MEF2A: variants seen among roughly 807,000 people sequenced by gnomAD.
The protein encoded by MEF2A is myocyte enhancer factor 2A, also known as myocyte-specific enhancer factor 2A.
MEF2A carries 28 observed loss-of-function variants against 55.8 expected under a neutral mutation model. The observed-to-expected ratio is 0.50, with a 90% CI of 0.37 to 0.69. The LOEUF is 0.69. Ranked by LOEUF, MEF2A falls within the 30% of genes least tolerant of loss-of-function variation. MEF2A has a pLI of 0.00. For synonymous variants in MEF2A, 239 were observed against 227.1 expected (o/e 1.05, Z -0.47); for missense variants, 528 against 626.2 (o/e 0.84, Z 1.67).
At chr15:99,589,439 A>G (rs778796997) in intron 1 of MEF2A, among the ~76,000 whole-genome samples, 2 of 152,082 alleles carry the variant, frequency 1.3e-5, no homozygotes, top group African/African-American at 4.8e-5. Flanking sequence ...CAGCCTAACT[A>G]GAAGTTCTTT....
chr15:99,699,984 GTATATA>G lies in MEF2A; in HGVS notation c.859-3367_859-3362del, dbSNP rs145627557. Reference sequence around the variant, plus strand: ...TGTGTGTGTGTGTGTGTGTGTGTGTGTATATATATATATATAATTTTTGTATTTTTA... The same window carrying G: ...TGTGTGTGTGTGTGTGTGTGTGTGTGTATATATATAATTTTTGTATTTTTA... On this transcript the variant is annotated intron_variant, in intron 8 of 11. Transcript: ENST00000557942. Among the ~76,000 whole-genome samples the G allele has an allele frequency of 8.5e-3, 930 of 109,668 alleles. 19 individuals carry two copies. The highest frequency in any genetic ancestry group is 0.059 in the East Asian group (185 of 3,160). The allele number at this position is 109,668 out of a possible 152,430, so 71.9% of individuals were successfully genotyped here.
intron 2 of MEF2A, among the ~76,000 whole-genome samples, chr15:99,608,259 GTTAA>G (rs1487942371): frequency 6.6e-6 from 1 of 152,174 alleles, no homozygotes; most frequent in African/African-American, 2.4e-5. Flanking sequence ...ATCAAATTTA[GTTAA>G]TTTCACTGTG....
At chr15:99,691,998 TTC>T (rs2055577095) in intron 8 of MEF2A, among the ~76,000 whole-genome samples, 1 of 152,214 alleles carries the variant, frequency 6.6e-6, no homozygotes, top group African/African-American at 2.4e-5. Context: ...GTTTTAAAAC[TTC>T]TTAGTTTAGC....
At chr15:99,610,718 A>G (rs1316846439) in intron 2 of MEF2A, among the ~76,000 whole-genome samples, 1 of 152,114 alleles carries the variant, frequency 6.6e-6, no homozygotes, top group African/African-American at 2.4e-5. Flanking sequence ...AATGGAGGGA[A>G]ATAGCCTTTT....
At position 99,712,679 on chromosome 15, in the gene MEF2A, C is replaced by G; in HGVS notation, c.1426C>G (p.His476Asp). 6.4e-7 allele frequency: 1 copy of G among 1,560,052 alleles called. No individual in the cohort carries two copies. The highest frequency in any genetic ancestry group is 8.7e-7 in the Non-Finnish European group (1 of 1,151,838). The change falls in exon 12 of 12, where the codon CAT (histidine) becomes GAT (aspartate). Residue 476 changes from histidine (H) to aspartate (D), a missense_variant. His to Asp is a moderately conservative substitution (Grantham distance 81). Around this residue, in one of 2 missense-constraint regions of MEF2A, gnomAD observed 450 missense variants for 475.3 expected, o/e 0.95. Transcript: ENST00000557942. This position sits in a 1 kb window ranked among gnomAD's most constrained non-coding sequence, Gnocchi z 4.1. ...TCGGGAGGATCCACGGGGCGACTTCCATTCTCCAATTGTGCTTGGCCGACC... is the reference window on the plus strand; with the variant it reads ...TCGGGAGGATCCACGGGGCGACTTCGATTCTCCAATTGTGCTTGGCCGACC... ...SDREDPRGDFHSPIVLGRPPN... is the reference protein window; with the variant it reads ...SDREDPRGDFDSPIVLGRPPN...
chr15:99,642,230 C>T (rs2045142029), intron 3 of MEF2A, among the ~76,000 whole-genome samples: 1 of 152,058 alleles, frequency 6.6e-6, no homozygotes, highest in African/African-American at 2.4e-5. Context: ...AGTTTTTTCC[C>T]TTCTTAAAAG....
At position 99,658,211 on chromosome 15, in the gene MEF2A, G is replaced by A. The variant is rs192872364; in HGVS notation, c.258+12447G>A. Among the ~76,000 whole-genome samples the A allele has an allele frequency of 3.3e-5, 5 of 152,134 alleles. No homozygotes were observed. The East Asian group carries it at 9.7e-4, about 29-fold the overall frequency. On this transcript the variant is annotated intron_variant, in intron 4 of 11. Coordinates refer to ENST00000557942, the MANE Select transcript of MEF2A (RefSeq NM_001319206.4). ...AGAAATAAGCTTGAAAATATCAGTA[G>A]GAAACAGGAAGTTATATAGGAATTG... is the stretch of plus-strand genomic sequence containing the variant.
chr15:99,706,247 C>T (rs325411), intron 9 of MEF2A, among the ~76,000 whole-genome samples: 88,303 of 152,170 alleles, frequency 0.58, 29,711 homozygotes, highest in South Asian at 0.78. Context: ...AGAATACAAG[C>T]TGCACCCAAT....
At chr15:99,631,855 T>A (rs1427997418) in intron 2 of MEF2A, among the ~76,000 whole-genome samples, 3 of 152,292 alleles carry the variant, frequency 2.0e-5, no homozygotes, top group Admixed American at 2.0e-4. Context: ...AACGAAAGGC[T>A]TATAGCTTTT....
rs546692500 is a variant in MEF2A, at chr15:99,681,306, T to C, written c.670+5848T>C. On this transcript the variant is annotated intron_variant, in intron 7 of 11. Transcript: ENST00000557942. ...GAAGAGATGGAAGAGGTGAAAGATATCATGAAGAAAGCTTGATTGCTCTGA... is the reference window on the plus strand; with the variant it reads ...GAAGAGATGGAAGAGGTGAAAGATACCATGAAGAAAGCTTGATTGCTCTGA... 3.3e-5 allele frequency among the ~76,000 whole-genome samples: 5 copies of C among 152,248 alleles called. No homozygotes were observed. The East Asian group carries it at 7.7e-4, about 23-fold the overall frequency.
At chr15:99,699,757 C>CACAT (rs1254048168) in intron 8 of MEF2A, among the ~76,000 whole-genome samples, 1 of 152,062 alleles carries the variant, frequency 6.6e-6, no homozygotes, top group African/African-American at 2.4e-5. Flanking sequence ...ATTCATCCCT[C>CACAT]ACATACACAA....
rs1463054756 is a variant in MEF2A, at chr15:99,715,398, A to C, written c.*2627A>C. 2 of 152,254 alleles carry C rather than the reference A, an allele frequency of 1.3e-5. No homozygotes were observed. The highest frequency in any genetic ancestry group is 2.9e-5 in the Non-Finnish European group (2 of 68,052). 9.4% of individuals were successfully genotyped at this position (152,254 alleles called of 1,614,324 possible). ...ATCAGTACAACTACTGTTTTCTAAA[A>C]TACTACTACTCAAGGCTCGGAGTTT... is the stretch of plus-strand genomic sequence containing the variant. On this transcript the variant is annotated 3_prime_UTR_variant, in exon 12 of 12. Coordinates refer to ENST00000557942, the MANE Select transcript of MEF2A (RefSeq NM_001319206.4).
intron 8 of MEF2A, among the ~76,000 whole-genome samples, chr15:99,699,956 G>GTGTGTGTGTGTT (rs2057132133): frequency 2.7e-5 from 2 of 73,880 alleles, no homozygotes; most frequent in African/African-American, 1.1e-4. Context: ...GTTTATATGT[G>GTGTGTGTGTGTT]TGTGTGTGTG....
intron 3 of MEF2A, among the ~76,000 whole-genome samples, chr15:99,639,295 G>T (rs2044464364): frequency 6.6e-6 from 1 of 151,846 alleles, no homozygotes; most frequent in African/African-American, 2.4e-5. Context: ...AATTTACATT[G>T]TGTTTTCTTT....
Position 99,706,602 on chromosome 15 carries a change from ACAT to A in MEF2A, c.883-121_883-119del, listed in dbSNP as rs542628956. ...TCTCACTAGTATTTTTGAAGTTTTC[ACAT>A]CATCAGTGCTTCAGAAAATGACATT... On this transcript the variant is annotated intron_variant, in intron 9 of 11. Coordinates refer to ENST00000557942, the MANE Select transcript of MEF2A (RefSeq NM_001319206.4). 105 of 1,015,068 alleles carry A rather than the reference ACAT, an allele frequency of 1.0e-4. No homozygotes were observed. The African/African-American group carries it at 1.1e-3, about 11-fold the overall frequency. The allele number at this position is 1,015,068 out of a possible 1,614,324, so 62.9% of individuals were successfully genotyped here. A position where few individuals can be genotyped will look rare whatever the true frequency, so the allele number is the denominator to read the frequency against.
chr15:99,612,492 A>C (rs1420092935), intron 2 of MEF2A, among the ~76,000 whole-genome samples: 2 of 152,196 alleles, frequency 1.3e-5, no homozygotes, highest in Non-Finnish European at 2.9e-5. Flanking sequence ...TTCACATACC[A>C]TATTTAAACT....
chr15:99,665,731 C>CAAAAA (rs752473261), intron 4 of MEF2A, among the ~76,000 whole-genome samples: 7 of 20,224 alleles, frequency 3.5e-4, no homozygotes, highest in Admixed American at 7.5e-4. Context: ...CTTAAATTTA[C>CAAAAA]AAAAAAAAAA....
intron 1 of MEF2A, among the ~76,000 whole-genome samples, chr15:99,588,173 G>A (rs545067961): frequency 6.6e-6 from 1 of 151,792 alleles, no homozygotes; most frequent in Non-Finnish European, 1.5e-5. Flanking sequence ...CTGTTGTACA[G>A]TGGCACCGTC....
intron 3 of MEF2A, among the ~76,000 whole-genome samples, chr15:99,635,292 T>G (rs546989240): frequency 1.3e-5 from 2 of 152,284 alleles, no homozygotes; most frequent in East Asian, 3.9e-4. Context: ...ACTAGCAAGA[T>G]AAAAATCACA....
Sources: allele counts gnomAD v4.1 joint callset (sites outside exome capture counted in the v4.1 genomes callset), GRCh38; gene constraint gnomAD v4.1.1; regional missense constraint gnomAD v4.1.1; non-coding constraint Gnocchi (gnomAD v3.1); transcripts MANE v1.5; gene names NCBI Gene and HGNC (gene_info 2026-07-23, HGNC 2026-07-21).